FAM83H: variants seen among roughly 807,000 people sequenced by gnomAD.
FAM83H encodes protein FAM83H.
A neutral mutation model predicts 30.2 loss-of-function variants in FAM83H; 24 were observed. That is an observed-to-expected ratio of 0.79 (90% CI 0.57 to 1.12). The LOEUF is 1.12. FAM83H is among the 50% of genes most tolerant of loss of function. The pLI is 0.00. For missense variants in FAM83H, 2,038 were observed against 1,773.9 expected, an observed-to-expected ratio of 1.15 and a Z score of -2.67; for synonymous variants, 1,013 against 821.7, an observed-to-expected ratio of 1.23 and a Z score of -3.98.
rs1332967093 is a variant in FAM83H, at chr8:143,726,312, T to G, written c.3149A>C (p.His1050Pro). The change falls in exon 5 of 5, where the codon CAC (histidine) becomes CCC (proline). Residue 1050 changes from histidine (H) to proline (P), a missense_variant. By Grantham distance (77) the His-to-Pro change is moderately conservative (BLOSUM62 -2). Transcript: ENST00000388913. Reference sequence around the variant, plus strand: ...AGGGACCGCACGGTGCTTCTGGCCGTGGGCACTGATCTGCTCCAGAATGGC... The same window carrying G: ...AGGGACCGCACGGTGCTTCTGGCCGGGGGCACTGATCTGCTCCAGAATGGC... ...TKAILEQISA[H>P]GQKHRAVPAP... 6.2e-7 allele frequency: 1 copy of G among 1,612,176 alleles called. No homozygotes were observed. Among genetic ancestry groups the G allele is most frequent in the Non-Finnish European group, 8.5e-7 (1 of 1,179,724 alleles).
chr8:143,726,768 ATAAATCCTG>A lies in FAM83H; in HGVS notation c.2684_2692del (p.Thr895_Phe897del), dbSNP rs1818311650. The A allele has an allele frequency of 6.2e-7, 1 of 1,611,312 alleles. No individual in the cohort carries two copies. The highest frequency in any genetic ancestry group is 8.5e-7 in the Non-Finnish European group (1 of 1,179,306). Reference sequence around the variant, plus strand: ...TGAGGTGGGGCTCCCCTTCTGCTCGATAAATCCTGTAGTTGGACTTCCTCTTCGAGTGGA... The same window carrying A: ...TGAGGTGGGGCTCCCCTTCTGCTCGATAGTTGGACTTCCTCTTCGAGTGGA... On this transcript the variant is annotated inframe_deletion, in exon 5 of 5. Transcript: ENST00000388913.
In FAM83H at chr8:143,726,854, C is replaced by T. The variant is rs781831914; in HGVS notation, c.2607G>A (p.Gly869=). 1.2e-6 allele frequency: 2 copies of T among 1,613,054 alleles called. No individual in the cohort carries two copies. The highest frequency in any genetic ancestry group is 2.2e-5 in the South Asian group (2 of 91,078). Residue 869 remains glycine, a synonymous_variant, in exon 5 of 5, where the codon GGG becomes GGA. Coordinates refer to ENST00000388913, the MANE Select transcript of FAM83H (RefSeq NM_198488.5). ...AHQVLHNESK[G]SPTSAYPERK... Reference sequence around the variant, plus strand: ...GCTCAGGGTAAGCCGAGGTGGGGCTCCCTTTTGACTCATTATGGAGCACCT... The same window carrying T: ...GCTCAGGGTAAGCCGAGGTGGGGCTTCCTTTTGACTCATTATGGAGCACCT...
chr8:143,727,516 C>G lies in FAM83H; in HGVS notation c.1945G>C (p.Gly649Arg). ...GGGCCCTCGCGCTCTGGGCCGTTGC[C>G]GCCGCTGCCCGGGCCTGGCACCGGG... ...KVPVPGPGSGGNGPEREGPEE... is the reference protein window; with the variant it reads ...KVPVPGPGSGRNGPEREGPEE... The change falls in exon 5 of 5, where the codon GGC becomes CGC. Residue 649 changes from glycine (G) to arginine (R), a missense_variant. Physicochemically the swap from Gly to Arg is moderately radical, Grantham distance 125. Coordinates refer to ENST00000388913, the MANE Select transcript of FAM83H (RefSeq NM_198488.5). 6.3e-7 allele frequency: 1 copy of G among 1,575,950 alleles called. No homozygotes were observed. Among genetic ancestry groups the G allele is most frequent in the Non-Finnish European group, 8.6e-7 (1 of 1,168,574 alleles).
rs1554621809 is a variant in FAM83H at position 143,726,465 on chromosome 8, G to A, written c.2996C>T (p.Pro999Leu). 5 of 1,603,026 alleles carry A rather than the reference G, an allele frequency of 3.1e-6. No individual in the cohort carries two copies. In the South Asian group the frequency reaches 4.4e-5, roughly 14 times the overall value. Residue 999 changes from proline (P) to leucine (L), a missense_variant, in exon 5 of 5, where the codon CCG becomes CTG. Coordinates refer to ENST00000388913, the MANE Select transcript of FAM83H (RefSeq NM_198488.5). ...ACCCTGGCCCAGTGACAGACGCCGC[G>A]GGCTCTCGGGTTGGCCGTTCTCCTG... Reference protein sequence around the residue: ...VPQENGQPESPRRLSLGQGDS... With the variant: ...VPQENGQPESLRRLSLGQGDS...
Position 143,726,921 on chromosome 8 carries a change from C to T in FAM83H, c.2540G>A (p.Gly847Glu). The part of the protein sequence containing the change: ...SAQSHSTSPQ[G>E]LDSPLPLEGS... ...TTCCAGCGGCAGAGGGCTGTCCAGC[C>T]CTTGCGGGGACGTTGAGTGGCTCTG... The change falls in exon 5 of 5, where the codon GGG (glycine) becomes GAG (glutamate). Residue 847 changes from glycine (G) to glutamate (E), a missense_variant. Physicochemically the swap from Gly to Glu is moderately conservative, Grantham distance 98. Coordinates refer to ENST00000388913, the MANE Select transcript of FAM83H (RefSeq NM_198488.5). 1 of 1,612,250 alleles carries T rather than the reference C, an allele frequency of 6.2e-7. No homozygotes were observed. The highest frequency in any genetic ancestry group is 8.5e-7 in the Non-Finnish European group (1 of 1,179,748).
At position 143,726,812 on chromosome 8, in the gene FAM83H, C is replaced by T; in HGVS notation, c.2649G>A (p.Thr883=). The change falls in exon 5 of 5, where the codon ACG becomes ACA. Residue 883 remains threonine (T), a synonymous_variant. Coordinates refer to ENST00000388913, the MANE Select transcript of FAM83H (RefSeq NM_198488.5). ...TTCCTCTTCGAGTGGAAAACCCAGG[C>T]GTGGGGCTCCCCTTCCGCTCAGGGT... is the stretch of plus-strand genomic sequence containing the variant. The part of the protein sequence containing the change: ...SAYPERKGSP[T]PGFSTRRGSP... 2.5e-6 allele frequency: 4 copies of T among 1,612,786 alleles called. No individual in the cohort carries two copies. Among genetic ancestry groups the T allele is most frequent in the Non-Finnish European group, 3.4e-6 (4 of 1,179,894 alleles).
At position 143,726,745 on chromosome 8, in the gene FAM83H, A is replaced by C; in HGVS notation, c.2716T>G (p.Ser906Ala). 1 of 1,611,768 alleles carries C rather than the reference A, an allele frequency of 6.2e-7. No individual in the cohort carries two copies. Among genetic ancestry groups the C allele is most frequent in the East Asian group, 2.2e-5 (1 of 44,816 alleles). The change falls in exon 5 of 5, where the codon TCA becomes GCA. Residue 906 changes from serine (S) to alanine (A), a missense_variant. Coordinates refer to ENST00000388913, the MANE Select transcript of FAM83H (RefSeq NM_198488.5). ...GFIEQKGSPT[S>A]AYPERRGSPV... ...CTACCCCTGCGCTCGGGGTAGGCTG[A>C]GGTGGGGCTCCCCTTCTGCTCGATA... is the stretch of plus-strand genomic sequence containing the variant.
In FAM83H at chr8:143,726,052, C is replaced by T. The variant is rs914705606; in HGVS notation, c.3409G>A (p.Glu1137Lys). The change falls in exon 5 of 5, where the codon GAG becomes AAG. Residue 1137 changes from glutamate (E) to lysine (K), a missense_variant. Coordinates refer to ENST00000388913, the MANE Select transcript of FAM83H (RefSeq NM_198488.5). ...GCCTCCTCTTTCTTGCAGAAGACCT[C>T]GAAGCGGCTGTACACGCGCTTCTCC... Reference protein sequence around the residue: ...RKEKRVYSRFEVFCKKEEASS... With the variant: ...RKEKRVYSRFKVFCKKEEASS... 6.2e-7 allele frequency: 1 copy of T among 1,612,324 alleles called. No individual in the cohort carries two copies. Among genetic ancestry groups the T allele is most frequent in the Admixed American group, 1.7e-5 (1 of 59,944 alleles).
Position 143,730,382 on chromosome 8 carries a change from G to T in FAM83H, c.201C>A (p.His67Gln). 1 of 1,613,520 alleles carries T rather than the reference G, an allele frequency of 6.2e-7. No individual in the cohort carries two copies. Among genetic ancestry groups the T allele is most frequent in the South Asian group, 1.1e-5 (1 of 91,090 alleles). Residue 67 changes from histidine to glutamine, a missense_variant, in exon 2 of 5, where the codon CAC (histidine) becomes CAA (glutamine). Coordinates refer to ENST00000388913, the MANE Select transcript of FAM83H (RefSeq NM_198488.5). ...GGGTAACATACTGCGGAGGCCGAAG[G>T]TGTCGGCTCACATGTTCCAGCTCTT... The part of the protein sequence containing the change: ...CPEELEHVSR[H>Q]LRPPQYVTRE...
In FAM83H at chr8:143,726,623, C is replaced by G; in HGVS notation, c.2838G>C (p.Pro946=). 6.3e-7 allele frequency: 1 copy of G among 1,599,174 alleles called. No homozygotes were observed. The highest frequency in any genetic ancestry group is 1.3e-5 in the African/African-American group (1 of 74,970). ...GCCCCTCCTCCGCGGGCCCGGCCTT[C>G]GGGGACTCCCCGGAGATGGTAAGGG... is the stretch of plus-strand genomic sequence containing the variant. ...SLTLTISGES[P]KAGPAEEGPS... is the part of the protein sequence containing the mutation. Residue 946 remains proline, a synonymous_variant, in exon 5 of 5, where the codon CCG becomes CCC. Coordinates refer to ENST00000388913, the MANE Select transcript of FAM83H (RefSeq NM_198488.5).
At chr8:143,730,689 T>C in intron 1 of FAM83H, 92 bp from the exon 2 acceptor site, 1 of 955,916 alleles carries the variant, frequency 1.0e-6, no homozygotes, top group East Asian at 2.7e-5. Flanking sequence ...GGGCCGTCAG[T>C]GACTTGGGTA....
At position 143,730,607 on chromosome 8, in the gene FAM83H, C is replaced by T. The variant is rs527985279; in HGVS notation, c.-15-10G>A. 2 of 1,511,014 alleles carry T rather than the reference C, an allele frequency of 1.3e-6. No individual in the cohort carries two copies. The highest frequency in any genetic ancestry group is 2.0e-5 in the Admixed American group (1 of 49,364). The allele number at this position is 1,511,014 out of a possible 1,614,324, so 93.6% of individuals were successfully genotyped here. ...TGTTGGGGCCAGGGGCCTGGAGGGGCAGGGAGACACATGACTAGGGGTGGG... is the reference window on the plus strand; with the variant it reads ...TGTTGGGGCCAGGGGCCTGGAGGGGTAGGGAGACACATGACTAGGGGTGGG... On this transcript the variant is annotated splice_polypyrimidine_tract_variant and intron_variant, in intron 1 of 4. Coordinates refer to ENST00000388913, the MANE Select transcript of FAM83H (RefSeq NM_198488.5).
Position 143,730,502 on chromosome 8 carries a change from G to C in FAM83H, c.81C>G (p.Tyr27Ter). ...PGYLPPHYKE[Y>*]YRLAVDALAE... ...CCAGTGCATCCACCGCCAGGCGGTA[G>C]TACTCTTTGTAGTGAGGCGGCAGGT... The change falls in exon 2 of 5, where the codon TAC becomes TAG. Residue 27 changes from tyrosine to a stop codon, truncating the protein, a stop_gained. Coordinates refer to ENST00000388913, the MANE Select transcript of FAM83H (RefSeq NM_198488.5). LOFTEE classifies it high-confidence loss of function. 1 of 1,600,400 alleles carries C rather than the reference G, an allele frequency of 6.2e-7. No homozygotes were observed. Among genetic ancestry groups the C allele is most frequent in the Non-Finnish European group, 8.5e-7 (1 of 1,172,152 alleles).
At position 143,728,129 on chromosome 8, in the gene FAM83H, C is replaced by T; in HGVS notation, c.1332G>A (p.Gln444=). The T allele has an allele frequency of 6.2e-7, 1 of 1,610,116 alleles. No individual in the cohort carries two copies. Among genetic ancestry groups the T allele is most frequent in the Non-Finnish European group, 8.5e-7 (1 of 1,179,260 alleles). ...GCTGGTCACGGTGGAAGTGGCTGGTCTGGAAGCGGAAGTCGTCGCCGTGGC... is the reference window on the plus strand; with the variant it reads ...GCTGGTCACGGTGGAAGTGGCTGGTTTGGAAGCGGAAGTCGTCGCCGTGGC... The part of the protein sequence containing the change: ...FLSHGDDFRF[Q]TSHFHRDQLY... Residue 444 remains glutamine (Q), a synonymous_variant, in exon 5 of 5, where the codon CAG becomes CAA. Transcript: ENST00000388913.
rs1411587833 is a variant in FAM83H at position 143,733,721 on chromosome 8, G to T, written c.-46C>A. 1 of 149,990 alleles carries T rather than the reference G, an allele frequency of 6.7e-6. No homozygotes were observed. Among genetic ancestry groups the T allele is most frequent in the Non-Finnish European group, 1.5e-5 (1 of 67,136 alleles). The allele number at this position is 149,990 out of a possible 1,614,324, so 9.3% of individuals were successfully genotyped here. A position where few individuals can be genotyped will look rare whatever the true frequency, so the allele number is the denominator to read the frequency against. On this transcript the variant is annotated 5_prime_UTR_variant, in exon 1 of 5. Coordinates refer to ENST00000388913, the MANE Select transcript of FAM83H (RefSeq NM_198488.5). The surrounding 1 kb of genome is among the most constrained non-coding windows in gnomAD (Gnocchi z 5.6). The stretch of plus-strand genomic sequence containing the variant: ...CAGGTGCGCGGGGTCTCGGCACAGG[G>T]GCAGCAGGAGCCGACCGCCGCCCAG...
Position 143,728,213 on chromosome 8 carries a change from G to A in FAM83H, c.1248C>T (p.Gly416=), listed in dbSNP as rs1554623209. Residue 416 remains glycine (G), a synonymous_variant, in exon 5 of 5, where the codon GGC becomes GGT. Transcript: ENST00000388913. ...AFKRHSFATE[G]AGAVENFAAA... ...CCGCGAAGTTCTCCACGGCGCCCGCGCCCTCGGTCGCGAAGCTGTGCCGCT... is the reference window on the plus strand; with the variant it reads ...CCGCGAAGTTCTCCACGGCGCCCGCACCCTCGGTCGCGAAGCTGTGCCGCT... The A allele has an allele frequency of 1.3e-6, 2 of 1,597,410 alleles. No individual in the cohort carries two copies. Among genetic ancestry groups the A allele is most frequent in the Non-Finnish European group, 1.7e-6 (2 of 1,176,464 alleles).
At position 143,733,467 on chromosome 8, in the gene FAM83H, C is replaced by T. The variant is rs1554625038; in HGVS notation, c.-16+224G>A. On this transcript the variant is annotated intron_variant, in intron 1 of 4. Transcript: ENST00000388913. The surrounding 1 kb of genome is among the most constrained non-coding windows in gnomAD (Gnocchi z 5.6). ...CGGCTCTTTTCGGGCCGGCGTCGTGCGGGGGCGCTCGCGTCCATATCCGCA... is the reference window on the plus strand; with the variant it reads ...CGGCTCTTTTCGGGCCGGCGTCGTGTGGGGGCGCTCGCGTCCATATCCGCA... Among the ~76,000 whole-genome samples the T allele has an allele frequency of 1.3e-5, 2 of 152,084 alleles. No homozygotes were observed. Among genetic ancestry groups the T allele is most frequent in the Non-Finnish European group, 2.9e-5 (2 of 67,990 alleles).
In FAM83H at chr8:143,726,406, G is replaced by A. The variant is rs369951434; in HGVS notation, c.3055C>T (p.Pro1019Ser). The A allele has an allele frequency of 3.4e-5, 55 of 1,605,782 alleles. No individual in the cohort carries two copies. The highest frequency in any genetic ancestry group is 4.3e-5 in the Non-Finnish European group (51 of 1,178,032). The change falls in exon 5 of 5, where the codon CCG becomes TCG. Residue 1019 changes from proline (P) to serine (S), a missense_variant. Coordinates refer to ENST00000388913, the MANE Select transcript of FAM83H (RefSeq NM_198488.5). ...GTGGCTGAGGACAGGCGCGCCCGCG[G>A]ACCCCGCTCTTCTGTGGCAGCCTCC... ...STEAATEERGPRARLSSATAN... is the reference protein window; with the variant it reads ...STEAATEERGSRARLSSATAN...
rs1232500472 is a variant in FAM83H at position 143,724,239 on chromosome 8, G to T, written c.*1682C>A. ...CGGTGGTTTTGGTAACCAGTGGGCTGTGCAGGAGTGAAAGTGGGGTCACTT... is the reference window on the plus strand; with the variant it reads ...CGGTGGTTTTGGTAACCAGTGGGCTTTGCAGGAGTGAAAGTGGGGTCACTT... On this transcript the variant is annotated 3_prime_UTR_variant, in exon 5 of 5. Coordinates refer to ENST00000388913, the MANE Select transcript of FAM83H (RefSeq NM_198488.5). 1 of 152,248 alleles carries T rather than the reference G, an allele frequency of 6.6e-6. No homozygotes were observed. Among genetic ancestry groups the T allele is most frequent in the Non-Finnish European group, 1.5e-5 (1 of 68,056 alleles). 9.4% of individuals were successfully genotyped at this position (152,248 alleles called of 1,614,324 possible).
Sources: allele counts gnomAD v4.1 joint callset (sites outside exome capture counted in the v4.1 genomes callset), GRCh38; gene constraint gnomAD v4.1.1; non-coding constraint Gnocchi (gnomAD v3.1); transcripts MANE v1.5; gene names NCBI Gene and HGNC (gene_info 2026-07-23, HGNC 2026-07-21).